Variants in CORIN observed in about 807,000 individuals in gnomAD.
The protein encoded by CORIN is corin, serine peptidase, also known as atrial natriuretic peptide-converting enzyme.
In CORIN, 117 loss-of-function variants were observed where a neutral mutation model predicts 125.3. The ratio of observed to expected loss-of-function variants is 0.93; its 90% CI spans 0.80 to 1.09. The LOEUF (loss-of-function observed/expected upper bound fraction) is 1.09. CORIN is among the 50% of genes least tolerant of loss of function. The probability of loss-of-function intolerance (pLI) is 0.00; values close to 1 mark genes in which losing one functional copy is unlikely to be tolerated. For missense variants in CORIN, 1,253 were observed against 1,306.7 expected, an observed-to-expected ratio of 0.96 and a Z score of 0.63; for synonymous variants, 450 against 466.4, an observed-to-expected ratio of 0.96 and a Z score of 0.45.
chr4:47,803,873 A>T (rs114293314), intron 2 of CORIN, among the ~76,000 whole-genome samples: 4,661 of 152,270 alleles, frequency 0.031, 249 homozygotes, highest in African/African-American at 0.11. Flanking sequence ...TCAAGTTACA[A>T]AGCTCCTGCA....
At chr4:47,706,515 G>C in intron 5 of CORIN, 1 of 1,611,534 alleles carries the variant, frequency 6.2e-7, no homozygotes, top group Non-Finnish European at 8.5e-7. Flanking sequence ...CTGATAAAGC[G>C]CGCCAACTGG....
At chr4:47,676,310 C>T (rs917580026) in intron 9 of CORIN, among the ~76,000 whole-genome samples, 19 of 152,186 alleles carry the variant, frequency 1.2e-4, no homozygotes, top group Non-Finnish European at 8.8e-5. Flanking sequence ...CACCTTCCCA[C>T]CACAGGAATT....
Position 47,789,184 on chromosome 4 carries a change from A to G in CORIN, c.209-2259T>C, listed in dbSNP as rs190666897. On this transcript the variant is annotated intron_variant, in intron 2 of 21. Transcript: ENST00000273857. The stretch of plus-strand genomic sequence containing the variant: ...CTGGGCATGGTGGCGGGCACCTGTA[A>G]TCTCAGCTACTAGGGAGGCTGTGGC... 3.5e-4 allele frequency among the ~76,000 whole-genome samples: 54 copies of G among 152,180 alleles called. No homozygotes were observed. In the East Asian group the frequency reaches 0.01, roughly 28 times the overall value.
intron 1 of CORIN, among the ~76,000 whole-genome samples, chr4:47,829,027 G>A (rs1732858301): frequency 6.6e-6 from 1 of 151,734 alleles, no homozygotes; most frequent in Non-Finnish European, 1.5e-5. Context: ...GCATGGTGGT[G>A]GGCGCCTGTA....
At chr4:47,643,005 C>A (rs1490242965) in intron 15 of CORIN, 141 bp downstream of exon 15, 1 of 1,540,240 alleles carries the variant, frequency 6.5e-7, no homozygotes, top group Non-Finnish European at 8.7e-7. Flanking sequence ...ACACATAGAT[C>A]AGCACTATCA....
chr4:47,792,221 A>G (rs1432800100), intron 2 of CORIN, among the ~76,000 whole-genome samples: 4 of 152,218 alleles, frequency 2.6e-5, no homozygotes, highest in Admixed American at 6.5e-5. Flanking sequence ...ATTTAAAAAC[A>G]TGGCTAGTAC....
chr4:47,777,495 G>A (rs937715620), intron 3 of CORIN, among the ~76,000 whole-genome samples: 3 of 152,134 alleles, frequency 2.0e-5, no homozygotes, highest in African/African-American at 4.8e-5. Flanking sequence ...GCTAAGCGTG[G>A]TGGCACACAC....
intron 13 of CORIN, among the ~76,000 whole-genome samples, chr4:47,645,450 CA>C (rs371256567): frequency 4.2e-3 from 421 of 99,182 alleles, no homozygotes; most frequent in Middle Eastern, 0.028. Flanking sequence ...GACTTTGTCT[CA>C]AAAAAAAAAA....
At chr4:47,626,993 GTTTTT>G (rs200009610) in intron 16 of CORIN, among the ~76,000 whole-genome samples, 9 of 126,096 alleles carry the variant, frequency 7.1e-5, no homozygotes, top group Admixed American at 1.6e-4. Flanking sequence ...TGTTGTTGTT[GTTTTT>G]TTTTTGATGA....
chr4:47,710,970 T>C (rs962176281), intron 5 of CORIN, among the ~76,000 whole-genome samples: 1 of 152,308 alleles, frequency 6.6e-6, no homozygotes, highest in African/African-American at 2.4e-5. Context: ...GCTGATCCCT[T>C]CTGAGAGTAG....
intron 5 of CORIN, among the ~76,000 whole-genome samples, chr4:47,726,343 A>G (rs1344207560): frequency 1.3e-5 from 2 of 152,146 alleles, no homozygotes; most frequent in African/African-American, 4.8e-5. Flanking sequence ...ATTGAGGTAC[A>G]GCCATACAAT....
At chr4:47,670,074 G>A (rs185882978) in intron 10 of CORIN, among the ~76,000 whole-genome samples, 49 of 152,170 alleles carry the variant, frequency 3.2e-4, no homozygotes, top group African/African-American at 1.1e-3. Context: ...CTTGCTTATC[G>A]CACACTCCTG....
chr4:47,797,189 CATG>C (rs1393733944), intron 2 of CORIN, among the ~76,000 whole-genome samples: 2 of 148,836 alleles, frequency 1.3e-5, no homozygotes, highest in Admixed American at 6.7e-5. Context: ...TTAAATGTTG[CATG>C]ATGATGTATA....
intron 12 of CORIN, among the ~76,000 whole-genome samples, chr4:47,655,544 C>T (rs1327017202): frequency 6.6e-6 from 1 of 152,116 alleles, no homozygotes; most frequent in Non-Finnish European, 1.5e-5. Flanking sequence ...TAGTACTTGT[C>T]ATAGACCTGG....
At chr4:47,728,047 A>G (rs764282121) in intron 5 of CORIN, among the ~76,000 whole-genome samples, 6 of 152,168 alleles carry the variant, frequency 3.9e-5, no homozygotes, top group Non-Finnish European at 7.4e-5. Flanking sequence ...AAACATATGG[A>G]TAGAGCAGGT....
At chr4:47,783,601 T>G (rs2109911167) in intron 3 of CORIN, among the ~76,000 whole-genome samples, 1 of 152,222 alleles carries the variant, frequency 6.6e-6, no homozygotes, top group East Asian at 1.9e-4. Context: ...TTTAAATAGC[T>G]TTTACATATG....
Position 47,595,215 on chromosome 4 carries a change from C to T in CORIN, c.*506G>A, listed in dbSNP as rs569945121. The T allele has an allele frequency of 4.0e-5, 6 of 151,824 alleles. No individual in the cohort carries two copies. Among genetic ancestry groups the T allele is most frequent in the African/African-American group, 1.2e-4 (5 of 41,274 alleles). 9.4% of individuals were successfully genotyped at this position (151,824 alleles called of 1,614,324 possible). ...CGTTGTGCTCGTGTACCCTAAAATT[C>T]GAAGTGTAATAAAAAAGAATTGTGG... is the stretch of plus-strand genomic sequence containing the variant. On this transcript the variant is annotated 3_prime_UTR_variant, in exon 22 of 22. Coordinates refer to ENST00000273857, the MANE Select transcript of CORIN (RefSeq NM_006587.4).
intron 6 of CORIN, 44 bp from the exon 7 acceptor site, chr4:47,683,882 G>T: frequency 7.1e-7 from 1 of 1,401,784 alleles, no homozygotes; most frequent in Non-Finnish European, 1.0e-6. Flanking sequence ...GAGCCATACA[G>T]AATGCTATTG....
chr4:47,642,713 C>T, intron 15 of CORIN: 1 of 667,228 alleles, frequency 1.5e-6, no homozygotes, highest in Non-Finnish European at 2.3e-6. Flanking sequence ...TCTTTAATTC[C>T]TGTCTGTGTA....
Sources: gnomAD v4.1 joint callset for allele counts (sites outside exome capture counted in the v4.1 genomes callset) on GRCh38, gnomAD v4.1.1 for gene constraint, MANE v1.5 for transcripts, NCBI Gene and HGNC (gene_info 2026-07-23, HGNC 2026-07-21) for gene names.